The following NEDD4L variants were observed in gnomAD, a reference collection of about 807,000 sequenced individuals.
NEDD4L encodes the protein NEDD4 like E3 ubiquitin protein ligase, also known as E3 ubiquitin-protein ligase NEDD4-like.
Under a neutral mutation model 148.9 loss-of-function variants are expected in NEDD4L, and 54 were observed. That is an observed-to-expected ratio of 0.36 (90% CI 0.29 to 0.45). NEDD4L has a LOEUF of 0.45. Among genes scored for constraint, NEDD4L ranks in the 20% least tolerant of loss-of-function variants. The pLI, the probability that NEDD4L is intolerant of heterozygous loss-of-function variation, is 1.00. For synonymous variants in NEDD4L, 433 were observed against 440.7 expected, an observed-to-expected ratio of 0.98 and a Z score of 0.22; for missense variants, 856 against 1,233.8, an observed-to-expected ratio of 0.69 and a Z score of 4.59.
At chr18:58,053,576 T>C (rs1458880070) in intron 1 of NEDD4L, among the ~76,000 whole-genome samples, 2 of 152,208 alleles carry the variant, frequency 1.3e-5, no homozygotes, top group Admixed American at 1.3e-4. Flanking sequence ...CCCAAAGTGC[T>C]GGGATTACAG....
chr18:58,224,430 A>G (rs2147993277), intron 2 of NEDD4L, among the ~76,000 whole-genome samples: 1 of 152,270 alleles, frequency 6.6e-6, no homozygotes, highest in African/African-American at 2.4e-5. Flanking sequence ...CAGGCTTGAC[A>G]CTGGAAGGAA....
intron 16 of NEDD4L, among the ~76,000 whole-genome samples, chr18:58,347,419 T>G (rs2145454559): frequency 6.6e-6 from 1 of 152,242 alleles, no homozygotes; most frequent in African/African-American, 2.4e-5. Flanking sequence ...CCCCGCTGGT[T>G]GTGGCGTTAC....
intron 13 of NEDD4L, among the ~76,000 whole-genome samples, chr18:58,340,729 A>G (rs1360206450): frequency 6.6e-6 from 1 of 152,226 alleles, no homozygotes; most frequent in African/African-American, 2.4e-5. Context: ...TAGCTAGAAC[A>G]GATGATAATG....
intron 23 of NEDD4L, 162 bp from the exon 24 acceptor site, chr18:58,373,012 T>TAA: frequency 1.7e-6 from 1 of 580,790 alleles, no homozygotes; most frequent in East Asian, 3.0e-5. Context: ...GTTTATAGTT[T>TAA]AAAGAGGAAG....
At chr18:58,095,278 T>G (rs1394412752) in intron 1 of NEDD4L, among the ~76,000 whole-genome samples, 1 of 152,220 alleles carries the variant, frequency 6.6e-6, no homozygotes, top group Non-Finnish European at 1.5e-5. Context: ...GGGGGACATT[T>G]ATTCAGCAGC....
intron 5 of NEDD4L, among the ~76,000 whole-genome samples, chr18:58,281,554 T>C (rs1235899737): frequency 6.6e-6 from 1 of 152,172 alleles, no homozygotes. Context: ...TAATTATTCA[T>C]TGTCCTAGCT....
In NEDD4L at chr18:58,234,097, C is replaced by CTTTCT. The variant is rs752800938; in HGVS notation, c.123-11310_123-11306dup. 4.2e-3 allele frequency among the ~76,000 whole-genome samples: 348 copies of CTTTCT among 83,356 alleles called. 4 individuals carry two copies. The highest frequency in any genetic ancestry group is 5.2e-3 in the Middle Eastern group (1 of 194). The allele number at this position is 83,356 out of a possible 152,430, so 54.7% of individuals were successfully genotyped here. A position where few individuals can be genotyped will look rare whatever the true frequency, so the allele number is the denominator to read the frequency against. ...TCTTTCTTTCTTTCTTTCTTTCTTT[C>CTTTCT]TTTCTTTTCTTTTCTTTTCTTTTCC... On this transcript the variant is annotated intron_variant, in intron 2 of 30. Coordinates refer to ENST00000400345, the MANE Select transcript of NEDD4L (RefSeq NM_001144967.3).
At chr18:58,048,214 T>C (rs9958604) in intron 1 of NEDD4L, among the ~76,000 whole-genome samples, 15,870 of 152,210 alleles carry the variant, frequency 0.1, 1,117 homozygotes, top group Middle Eastern at 0.27. Flanking sequence ...GCAGATCTGC[T>C]TATAGGTGCC....
intron 2 of NEDD4L, among the ~76,000 whole-genome samples, chr18:58,190,880 C>G (rs913445679): frequency 2.6e-5 from 4 of 152,144 alleles, no homozygotes; most frequent in African/African-American, 9.7e-5. Context: ...AATCCCAGCA[C>G]TTTAGGAGGC....
chr18:58,115,663 G>A (rs1470923537), intron 1 of NEDD4L, among the ~76,000 whole-genome samples: 4 of 152,148 alleles, frequency 2.6e-5, no homozygotes, highest in Non-Finnish European at 5.9e-5. Context: ...CGTTAGTTCT[G>A]TTGAACTGCT....
intron 23 of NEDD4L, 107 bp from the exon 24 acceptor site, chr18:58,373,067 T>G: frequency 1.5e-6 from 1 of 683,694 alleles, no homozygotes; most frequent in Non-Finnish European, 2.7e-6. Context: ...GTAACATATT[T>G]CTTGAGCATT....
At chr18:58,339,720 A>G (rs1376456506) in intron 13 of NEDD4L, among the ~76,000 whole-genome samples, 2 of 152,152 alleles carry the variant, frequency 1.3e-5, no homozygotes, top group East Asian at 3.8e-4. Flanking sequence ...TAAGCCTGGG[A>G]GGTTAACATA....
intron 1 of NEDD4L, among the ~76,000 whole-genome samples, chr18:58,122,215 C>A (rs550484753): frequency 1.3e-5 from 2 of 152,176 alleles, no homozygotes; most frequent in East Asian, 3.9e-4. Context: ...AAAACTCAAT[C>A]TAGGCCGGGT....
intron 1 of NEDD4L, among the ~76,000 whole-genome samples, chr18:58,063,205 C>G (rs1200819881): frequency 1.3e-5 from 2 of 151,686 alleles, no homozygotes; most frequent in Non-Finnish European, 2.9e-5. Context: ...GCCACCATGC[C>G]TGGCTAATTT....
intron 1 of NEDD4L, among the ~76,000 whole-genome samples, chr18:58,085,169 A>G (rs543076120): frequency 9.2e-5 from 14 of 152,340 alleles, no homozygotes; most frequent in Middle Eastern, 3.4e-3. Context: ...TTAAGGCTCC[A>G]ATGTGAATTC....
At chr18:58,165,099 G>T (rs2036683640) in intron 1 of NEDD4L, among the ~76,000 whole-genome samples, 1 of 152,170 alleles carries the variant, frequency 6.6e-6, no homozygotes, top group South Asian at 2.1e-4. Flanking sequence ...CTGCTGGGCT[G>T]CTTGTTGCCT....
chr18:58,173,197 A>C (rs1201444013), intron 2 of NEDD4L, among the ~76,000 whole-genome samples: 1 of 152,214 alleles, frequency 6.6e-6, no homozygotes, highest in African/African-American at 2.4e-5. Context: ...GCAACTTTTT[A>C]AACCTAACTC....
chr18:58,065,938 A>G (rs1044713151), intron 1 of NEDD4L, among the ~76,000 whole-genome samples: 4 of 152,236 alleles, frequency 2.6e-5, no homozygotes, highest in African/African-American at 9.6e-5. Flanking sequence ...CTCACTGCTT[A>G]AATAAGTGTT....
intron 2 of NEDD4L, among the ~76,000 whole-genome samples, chr18:58,237,024 A>AAAT (rs74175853): frequency 0.13 from 20,228 of 150,256 alleles, 1,645 homozygotes; most frequent in East Asian, 0.39. Flanking sequence ...ACTCCATCTC[A>AAAT]AATAATAATA....
Sources: gnomAD v4.1 joint callset for allele counts (sites outside exome capture counted in the v4.1 genomes callset) on GRCh38, gnomAD v4.1.1 for gene constraint, MANE v1.5 for transcripts, NCBI Gene and HGNC (gene_info 2026-07-23, HGNC 2026-07-21) for gene names.